NRXN3: variants seen among roughly 807,000 people sequenced by gnomAD.
The protein encoded by NRXN3 is neurexin III.
NRXN3 carries 32 observed loss-of-function variants against 137.6 expected under a neutral mutation model. The ratio of observed to expected loss-of-function variants is 0.23; its 90% CI spans 0.18 to 0.31. The LOEUF (loss-of-function observed/expected upper bound fraction) is 0.31, where lower values mean the gene tolerates loss of function less well. NRXN3 is among the 10% of genes least tolerant of loss of function. NRXN3 has a pLI of 1.00. For missense variants in NRXN3, 1,574 were observed against 2,062.5 expected (o/e 0.76, Z 4.59); for synonymous variants, 798 against 784.5 (o/e 1.02, Z -0.29).
chr14:79,531,797 A>T (rs1443579893), intron 16 of NRXN3, among the ~76,000 whole-genome samples: 1 of 152,190 alleles, frequency 6.6e-6, no homozygotes. Flanking sequence ...TTTTACACTT[A>T]TTGGACACCT....
intron 15 of NRXN3, chr14:79,280,214 C>T: frequency 1.3e-6 from 2 of 1,584,106 alleles, no homozygotes; most frequent in Non-Finnish European, 1.7e-6. Context: ...ATGATGGGCC[C>T]TTGGGCATCA....
intron 15 of NRXN3, among the ~76,000 whole-genome samples, chr14:79,218,009 T>C (rs1330155886): frequency 6.6e-6 from 1 of 152,182 alleles, no homozygotes; most frequent in Non-Finnish European, 1.5e-5. Flanking sequence ...ATCTGACACG[T>C]AAATAAAGCC....
At chr14:78,451,626 A>G (rs2094553278) in intron 4 of NRXN3, among the ~76,000 whole-genome samples, 2 of 152,204 alleles carry the variant, frequency 1.3e-5, no homozygotes. Flanking sequence ...ATTCCCCCAA[A>G]GAAAGACTGT....
chr14:78,878,265 C>T (rs866506294), intron 10 of NRXN3, among the ~76,000 whole-genome samples: 1 of 152,116 alleles, frequency 6.6e-6, no homozygotes, highest in Admixed American at 6.6e-5. Flanking sequence ...TGAAAACCAT[C>T]GCTATGTTAC....
At chr14:79,418,301 G>A (rs1389127495) in intron 15 of NRXN3, among the ~76,000 whole-genome samples, 2 of 152,104 alleles carry the variant, frequency 1.3e-5, no homozygotes, top group African/African-American at 4.8e-5. Context: ...TTCTTTAAGT[G>A]TATTTTTGTA....
chr14:78,955,227 AC>A (rs1484395355), intron 10 of NRXN3, among the ~76,000 whole-genome samples: 4 of 152,210 alleles, frequency 2.6e-5, no homozygotes, highest in Admixed American at 2.0e-4. Flanking sequence ...ACATAAAAAA[AC>A]AAAGACAGAT....
At chr14:78,565,903 A>G (rs1001966304) in intron 4 of NRXN3, among the ~76,000 whole-genome samples, 2 of 152,186 alleles carry the variant, frequency 1.3e-5, no homozygotes, top group African/African-American at 4.8e-5. Context: ...TGGCAGCAAC[A>G]ATTGAGTCAG....
intron 2 of NRXN3, among the ~76,000 whole-genome samples, chr14:78,262,653 T>C (rs1019422191): frequency 6.6e-6 from 1 of 152,082 alleles, no homozygotes; most frequent in African/African-American, 2.4e-5. Flanking sequence ...TGCCACAGTT[T>C]GTTTTCTCGG....
intron 15 of NRXN3, among the ~76,000 whole-genome samples, chr14:79,430,440 C>T (rs1302494469): frequency 6.6e-6 from 1 of 152,172 alleles, no homozygotes; most frequent in Non-Finnish European, 1.5e-5. Flanking sequence ...GGTAGTTGCA[C>T]ACCCAATTAT....
chr14:79,100,304 G>A (rs1340498061), intron 15 of NRXN3, among the ~76,000 whole-genome samples: 3 of 152,196 alleles, frequency 2.0e-5, no homozygotes, highest in African/African-American at 7.2e-5. Context: ...TTCAAAAAAT[G>A]GAGTTACTTT....
intron 8 of NRXN3, among the ~76,000 whole-genome samples, chr14:78,741,322 A>G (rs1026144498): frequency 2.6e-5 from 4 of 152,192 alleles, no homozygotes; most frequent in Admixed American, 6.5e-5. Context: ...GAAGCGAAGA[A>G]CGAAGTGGAC....
At chr14:79,020,171 T>C (rs866574818) in intron 15 of NRXN3, among the ~76,000 whole-genome samples, 116 of 3,980 alleles carry the variant, frequency 0.029, no homozygotes, top group South Asian at 0.071. Flanking sequence ...TCCCTTCCCT[T>C]CCCTTCCCTT....
chr14:78,629,677 C>T (rs1172915676), intron 4 of NRXN3, among the ~76,000 whole-genome samples: 2 of 152,126 alleles, frequency 1.3e-5, no homozygotes, highest in Admixed American at 1.3e-4. Flanking sequence ...CAAACAATTG[C>T]AAAAGCAAAA....
chr14:78,438,052 C>T (rs147017386), intron 4 of NRXN3, among the ~76,000 whole-genome samples: 118 of 152,080 alleles, frequency 7.8e-4, no homozygotes, highest in African/African-American at 2.7e-3. Flanking sequence ...AGTACAGTGA[C>T]AGAGTGGACA....
intron 15 of NRXN3, among the ~76,000 whole-genome samples, chr14:79,166,018 G>A (rs2061251985): frequency 6.6e-6 from 1 of 151,932 alleles, no homozygotes; most frequent in Non-Finnish European, 1.5e-5. Context: ...TGTTCTATTT[G>A]CTCCAATATT....
chr14:79,819,373 T>TG lies in NRXN3; in HGVS notation c.4093+14184dup, dbSNP rs546887483. Among the ~76,000 whole-genome samples, 21 of 152,144 alleles carry TG rather than the reference T, an allele frequency of 1.4e-4. No homozygotes were observed. The South Asian group carries it at 3.1e-3, about 23-fold the overall frequency. ...GTTAAAAATGTGTAGTCTTTTTTTT[T>TG]GTTTTTAATAGATAAGACCTTCTTG... On this transcript the variant is annotated intron_variant, in intron 20 of 20. Coordinates refer to ENST00000335750, the MANE Select transcript of NRXN3 (RefSeq NM_001330195.2).
intron 16 of NRXN3, among the ~76,000 whole-genome samples, chr14:79,649,893 T>C (rs2098468063): frequency 6.6e-6 from 1 of 152,164 alleles, no homozygotes; most frequent in Non-Finnish European, 1.5e-5. Context: ...TATTTATTGC[T>C]CCCCATTCTG....
chr14:79,034,989 C>T (rs897077862), intron 15 of NRXN3, among the ~76,000 whole-genome samples: 5 of 152,008 alleles, frequency 3.3e-5, no homozygotes, highest in South Asian at 2.1e-4. Flanking sequence ...GTAAGATTAT[C>T]GAAGCATCTT....
At chr14:79,099,038 G>A (rs561113504) in intron 15 of NRXN3, among the ~76,000 whole-genome samples, 2 of 152,084 alleles carry the variant, frequency 1.3e-5, no homozygotes, top group African/African-American at 2.4e-5. Flanking sequence ...GCATGTCCTG[G>A]GGCTGACCCA....
Sources: allele counts gnomAD v4.1 joint callset (sites outside exome capture counted in the v4.1 genomes callset), GRCh38; gene constraint gnomAD v4.1.1; transcripts MANE v1.5; gene names NCBI Gene and HGNC (gene_info 2026-07-23, HGNC 2026-07-21).